ATP12A: variants seen among roughly 807,000 people sequenced by gnomAD.
ATP12A encodes the protein ATPase H+/K+ transporting non-gastric alpha2 subunit, also known as potassium-transporting ATPase alpha chain 2.
Under a neutral mutation model 111.2 loss-of-function variants are expected in ATP12A, and 81 were observed. That is an observed-to-expected ratio of 0.73 (90% CI 0.61 to 0.88). The LOEUF (loss-of-function observed/expected upper bound fraction) is 0.88. Among genes scored for constraint, ATP12A ranks in the 40% least tolerant of loss-of-function variants. ATP12A has a pLI of 0.00. For missense variants in ATP12A, 1,196 were observed against 1,313.1 expected, an observed-to-expected ratio of 0.91 and a Z score of 1.38; for synonymous variants, 498 against 499.8, an observed-to-expected ratio of 1.00 and a Z score of 0.05.
intron 2 of ATP12A, among the ~76,000 whole-genome samples, chr13:24,682,151 G>A (rs1351795042): frequency 1.7e-5 from 2 of 117,666 alleles, no homozygotes; most frequent in Non-Finnish European, 3.5e-5. Flanking sequence ...TGTGTGTGGT[G>A]TGTGTGTGGT....
At chr13:24,680,843 C>T in intron 1 of ATP12A, 91 bp downstream of exon 1, 1 of 1,403,208 alleles carries the variant, frequency 7.1e-7, no homozygotes, top group Admixed American at 3.3e-5. Flanking sequence ...GAGGAAAAGG[C>T]GAAGAGGAGA....
At chr13:24,680,850 G>T in intron 1 of ATP12A, 98 bp downstream of exon 1, 1 of 1,395,748 alleles carries the variant, frequency 7.2e-7, no homozygotes, top group South Asian at 1.6e-5. Context: ...AGGCGAAGAG[G>T]AGAAACGCCC....
chr13:24,703,248 T>C (rs949107787), intron 14 of ATP12A, among the ~76,000 whole-genome samples: 2 of 152,172 alleles, frequency 1.3e-5, no homozygotes, highest in African/African-American at 4.8e-5. Flanking sequence ...GTTTGTTTGT[T>C]TGTTTGTTTA....
chr13:24,699,277 T>C (rs78549116), intron 12 of ATP12A, among the ~76,000 whole-genome samples: 5,291 of 152,180 alleles, frequency 0.035, 163 homozygotes, highest in African/African-American at 0.083. Context: ...GTCTTGAACA[T>C]CTGGGTGAGG....
At chr13:24,698,346 C>G (rs1875254085) in intron 11 of ATP12A, among the ~76,000 whole-genome samples, 1 of 152,102 alleles carries the variant, frequency 6.6e-6, no homozygotes, top group African/African-American at 2.4e-5. Context: ...TCGCAGCCCC[C>G]TAACTCTCAC....
intron 8 of ATP12A, among the ~76,000 whole-genome samples, chr13:24,692,208 A>G (rs2070813): frequency 0.24 from 36,492 of 152,096 alleles, 4,799 homozygotes; most frequent in East Asian, 0.47. Context: ...CAAGAAAAGC[A>G]TCTCATATTT....
At position 24,698,869 on chromosome 13, in the gene ATP12A, C is replaced by A; in HGVS notation, c.1705+19C>A. On this transcript the variant is annotated intron_variant, in intron 12 of 22. Coordinates refer to ENST00000381946, the MANE Select transcript of ATP12A (RefSeq NM_001676.7). ...GTGCTGGGTGAGTGCGGCGGCAGGG[C>A]CCTGCCCATCACCTGGTGGGCACAG... 6.2e-7 allele frequency: 1 copy of A among 1,610,900 alleles called. No individual in the cohort carries two copies. Among genetic ancestry groups the A allele is most frequent in the Non-Finnish European group, 8.5e-7 (1 of 1,178,506 alleles).
At chr13:24,684,996 G>A (rs1326017145) in intron 2 of ATP12A, among the ~76,000 whole-genome samples, 2 of 152,188 alleles carry the variant, frequency 1.3e-5, no homozygotes, top group African/African-American at 4.8e-5. Context: ...GGAAGATGAG[G>A]GTGCCAGAAC....
intron 19 of ATP12A, among the ~76,000 whole-genome samples, chr13:24,710,137 G>T (rs1875898914): frequency 6.6e-6 from 1 of 152,220 alleles, no homozygotes; most frequent in Non-Finnish European, 1.5e-5. Context: ...GGGTGCAGTG[G>T]CTAATGCCTA....
chr13:24,693,792 C>A (rs1875010550), intron 10 of ATP12A, among the ~76,000 whole-genome samples: 1 of 152,212 alleles, frequency 6.6e-6, no homozygotes, highest in South Asian at 2.1e-4. Context: ...AGTAAGCCAC[C>A]AAGTTCTATC....
chr13:24,682,954 C>G (rs1191944245), intron 2 of ATP12A, among the ~76,000 whole-genome samples: 1 of 124,754 alleles, frequency 8.0e-6, no homozygotes, highest in African/African-American at 3.1e-5. Flanking sequence ...GTTATTAAAA[C>G]TAGCCTTTTT....
intron 11 of ATP12A, among the ~76,000 whole-genome samples, chr13:24,697,753 T>C (rs1231094242): frequency 6.6e-6 from 1 of 152,076 alleles, no homozygotes; most frequent in African/African-American, 2.4e-5. Context: ...TTTTGTTGGT[T>C]GGTTGGTTTT....
Position 24,709,429 on chromosome 13 carries a change from C to A in ATP12A, c.2559C>A (p.His853Gln). 1.9e-6 allele frequency: 3 copies of A among 1,614,070 alleles called. No homozygotes were observed. Among genetic ancestry groups the A allele is most frequent in the Non-Finnish European group, 2.5e-6 (3 of 1,180,008 alleles). ...ESDIMNRKPR[H>Q]KNKDRLVNQP... ...ACATCATGAACAGGAAGCCTCGCCA[C>A]AAGAATAAGGACAGGCTGGTGAACC... The change falls in exon 18 of 23, where the codon CAC (histidine) becomes CAA (glutamine). Residue 853 changes from histidine to glutamine, a missense_variant. By Grantham distance (24) the His-to-Gln change is conservative. This residue lies in a region of ATP12A where 1,126 missense variants were observed against 1,228.5 expected (regional missense o/e 0.92). Transcript: ENST00000381946.
chr13:24,693,932 T>C (rs990272653), intron 10 of ATP12A, among the ~76,000 whole-genome samples: 1 of 152,238 alleles, frequency 6.6e-6, no homozygotes, highest in Non-Finnish European at 1.5e-5. Flanking sequence ...CTTTCTCGAA[T>C]GCCACTAATT....
rs1195530567 is a variant in ATP12A, at chr13:24,706,445, G to A, written c.2151G>A (p.Val717=). Residue 717 remains valine (V), a synonymous_variant, in exon 15 of 23, where the codon GTG becomes GTA. Transcript: ENST00000381946. The part of the protein sequence containing the change: ...RTSPQQKLII[V]EGCQRQDAVV... ...CCCCCCAGCAGAAGCTGATCATTGT[G>A]GAGGGCTGTCAGAGGCAGGTGGGTG... 1 of 1,613,976 alleles carries A rather than the reference G, an allele frequency of 6.2e-7. No individual in the cohort carries two copies. Among genetic ancestry groups the A allele is most frequent in the Non-Finnish European group, 8.5e-7 (1 of 1,179,958 alleles).
intron 2 of ATP12A, among the ~76,000 whole-genome samples, chr13:24,682,138 ATATGTGTGTGGTGTGTGTGTGGTGTGTG>A (rs1874488802): frequency 3.2e-4 from 11 of 34,124 alleles, no homozygotes; most frequent in South Asian, 1.1e-3. Flanking sequence ...TGTGGTGTGT[ATATGTGTGTGGTGTGTGTGTGGTGTGTG>A]TATGTGTGTG....
In ATP12A at chr13:24,710,801, C is replaced by T. The variant is rs1310302282; in HGVS notation, c.2907C>T (p.Val969=). 23 of 1,614,038 alleles carry T rather than the reference C, an allele frequency of 1.4e-5. No individual in the cohort carries two copies. The highest frequency in any genetic ancestry group is 1.9e-5 in the Non-Finnish European group (22 of 1,180,020). Residue 969 remains valine (V), a synonymous_variant, in exon 21 of 23, where the codon GTC becomes GTT. Transcript: ENST00000381946. ...IFQQGLFRNK[V]IWVGITSQII... ...TTTGTGTGTCTTGCAGAAATAAAGT[C>T]ATCTGGGTGGGGATCACCTCACAGA...
intron 5 of ATP12A, among the ~76,000 whole-genome samples, chr13:24,690,043 C>T (rs553952081): frequency 1.3e-4 from 20 of 152,248 alleles, no homozygotes; most frequent in East Asian, 5.8e-4. Context: ...TGGCCAACAG[C>T]GACTCTTCTG....
In ATP12A at chr13:24,696,743, A is replaced by G. The variant is rs368482716; in HGVS notation, c.1513-1915A>G. Among the ~76,000 whole-genome samples the G allele has an allele frequency of 7.0e-5, 7 of 99,364 alleles. 2 individuals are homozygous for G. Among genetic ancestry groups the G allele is most frequent in the Admixed American group, 6.6e-4 (5 of 7,592 alleles). 65.2% of individuals were successfully genotyped at this position (99,364 alleles called of 152,430 possible). On this transcript the variant is annotated intron_variant, in intron 11 of 22. Coordinates refer to ENST00000381946, the MANE Select transcript of ATP12A (RefSeq NM_001676.7). ...CAAAAAAAAAAAAAAAAAAAAAAAA[A>G]AAAGAAAGGGGAGAGGGGCTGTGTG...
Sources: gnomAD v4.1 joint callset for allele counts (sites outside exome capture counted in the v4.1 genomes callset) on GRCh38, gnomAD v4.1.1 for gene constraint, gnomAD v4.1.1 regional missense constraint, MANE v1.5 for transcripts, NCBI Gene and HGNC (gene_info 2026-07-23, HGNC 2026-07-21) for gene names.